SH2D3A: variants seen among roughly 807,000 people sequenced by gnomAD.
SH2D3A encodes SH2 domain-containing protein 3A.
In SH2D3A, 46 loss-of-function variants were observed where a neutral mutation model predicts 50.6. The ratio of observed to expected loss-of-function variants is 0.91; its 90% CI spans 0.72 to 1.16. The LOEUF is 1.16. Ranked by LOEUF, SH2D3A falls within the 50% of genes most tolerant of loss-of-function variation. The pLI is 0.00. For synonymous variants in SH2D3A, 377 were observed against 348.4 expected, an observed-to-expected ratio of 1.08 and a Z score of -0.91; for missense variants, 783 against 786.2, an observed-to-expected ratio of 1.00 and a Z score of 0.05.
At chr19:6,763,279 G>A (rs1915184493) in intron 2 of SH2D3A, among the ~76,000 whole-genome samples, 1 of 152,022 alleles carries the variant, frequency 6.6e-6, no homozygotes, top group African/African-American at 2.4e-5. Context: ...GGCCAGGCTG[G>A]TCTTGAACTC....
chr19:6,753,920 T>G, intron 8 of SH2D3A, 132 bp downstream of exon 8: 2 of 1,150,854 alleles, frequency 1.7e-6, no homozygotes, highest in Non-Finnish European at 2.4e-6. Flanking sequence ...CCAACCCTCA[T>G]GTGGAGGGCG....
chr19:6,753,637 G>C lies in SH2D3A; in HGVS notation c.1389C>G (p.Pro463=), dbSNP rs749743166. 6.4e-7 allele frequency: 1 copy of C among 1,570,088 alleles called. No homozygotes were observed. The highest frequency in any genetic ancestry group is 1.2e-5 in the South Asian group (1 of 84,470). The part of the protein sequence containing the change: ...LMRALDEGAG[P]CDPGEVALPH... ...GCAGCGCCACCTCGCCGGGGTCGCA[G>C]GGTCCTGCGGAGGGGGAGGGTCTGA... is the stretch of plus-strand genomic sequence containing the variant. Residue 463 remains proline, a synonymous_variant, in exon 9 of 10, where the codon CCC becomes CCG. Coordinates refer to ENST00000245908, the MANE Select transcript of SH2D3A (RefSeq NM_005490.3).
chr19:6,754,333 T>C lies in SH2D3A; in HGVS notation c.1190A>G (p.Glu397Gly), dbSNP rs746826598. 1 of 1,574,366 alleles carries C rather than the reference T, an allele frequency of 6.4e-7. No homozygotes were observed. Among genetic ancestry groups the C allele is most frequent in the South Asian group, 1.1e-5 (1 of 88,526 alleles). The change falls in exon 7 of 10, where the codon GAG becomes GGG. Residue 397 changes from glutamate to glycine, a missense_variant. Coordinates refer to ENST00000245908, the MANE Select transcript of SH2D3A (RefSeq NM_005490.3). ...ERAAALRGLV[E>G]LALALRPGAA... ...CCCTGGCCGCAGCGCCAGCGCCAGC[T>C]CTACCAGTCCCCTCAGTGCGGCTGC... is the stretch of plus-strand genomic sequence containing the variant.
At position 6,754,398 on chromosome 19, in the gene SH2D3A, C is replaced by G. The variant is rs1568262442; in HGVS notation, c.1125G>C (p.Ala375=). The change falls in exon 7 of 10, where the codon GCG becomes GCC. Residue 375 remains alanine, a synonymous_variant. Transcript: ENST00000245908. ...GCCCCGAGCAGCCCAGCACCGCCAG[C>G]GCCCCGGCCAGCGCCAGTGTCTGAT... ...ERHQTLALAG[A]LAVLGCSGPL... is the part of the protein sequence containing the mutation. The G allele has an allele frequency of 1.3e-6, 2 of 1,526,578 alleles. No homozygotes were observed. Among genetic ancestry groups the G allele is most frequent in the Admixed American group, 2.1e-5 (1 of 48,322 alleles). The allele number at this position is 1,526,578 out of a possible 1,614,324, so 94.6% of individuals were successfully genotyped here. A position where few individuals can be genotyped will look rare whatever the true frequency, so the allele number is the denominator to read the frequency against.
Position 6,753,562 on chromosome 19 carries a change from C to T in SH2D3A, c.1464G>A (p.Gly488=). ...VRLLEGEEVA[G]PLDESCERLL... is the part of the protein sequence containing the mutation. ...GCCGCTCACAGCTCTCGTCCAGCGGCCCCGCGACTTCCTCGCCCTCCAGTA... is the reference window on the plus strand; with the variant it reads ...GCCGCTCACAGCTCTCGTCCAGCGGTCCCGCGACTTCCTCGCCCTCCAGTA... The change falls in exon 9 of 10, where the codon GGG becomes GGA. Residue 488 remains glycine, a synonymous_variant. Transcript: ENST00000245908. The T allele has an allele frequency of 6.3e-7, 1 of 1,577,280 alleles. No homozygotes were observed. The highest frequency in any genetic ancestry group is 8.6e-7 in the Non-Finnish European group (1 of 1,162,438).
intron 4 of SH2D3A, chr19:6,759,146 T>C (rs1969865285): frequency 6.3e-6 from 1 of 158,806 alleles, no homozygotes; most frequent in African/African-American, 2.4e-5. Flanking sequence ...TGGAGTTTTG[T>C]TCTGTCACCC....
Position 6,764,648 on chromosome 19 carries a change from T to C in SH2D3A, c.-68-832A>G, listed in dbSNP as rs1970207152. Reference sequence around the variant, plus strand: ...CTAGATGATGGCATACATGAGTGAGTGCTAGACAAAAAAACTAAACCATGG... The same window carrying C: ...CTAGATGATGGCATACATGAGTGAGCGCTAGACAAAAAAACTAAACCATGG... On this transcript the variant is annotated intron_variant, in intron 1 of 9. Coordinates refer to ENST00000245908, the MANE Select transcript of SH2D3A (RefSeq NM_005490.3). Among the ~76,000 whole-genome samples the C allele has an allele frequency of 1.3e-5, 2 of 151,678 alleles. 1 individual carries two copies. Among genetic ancestry groups the C allele is most frequent in the South Asian group, 4.2e-4 (2 of 4,810 alleles).
At chr19:6,762,764 C>T (rs1188772323) in intron 2 of SH2D3A, among the ~76,000 whole-genome samples, 1 of 151,494 alleles carries the variant, frequency 6.6e-6, no homozygotes, top group African/African-American at 2.4e-5. Flanking sequence ...AGTGATCCTC[C>T]TGCCTCAGCC....
chr19:6,760,601 T>C (rs371648983), intron 3 of SH2D3A, 37 bp downstream of exon 3: 4 of 1,461,574 alleles, frequency 2.7e-6, no homozygotes, highest in Admixed American at 2.5e-5. Context: ...CCTGCGAGTG[T>C]TGGGTGTTCT....
Position 6,753,650 on chromosome 19 carries a change from G to A in SH2D3A, c.1385-9C>T. ...GCCGGGGTCGCAGGGTCCTGCGGAG[G>A]GGGAGGGTCTGATCAGGGTTTGGGG... is the stretch of plus-strand genomic sequence containing the variant. On this transcript the variant is annotated splice_polypyrimidine_tract_variant and intron_variant, in intron 8 of 9. Transcript: ENST00000245908. 1 of 1,556,642 alleles carries A rather than the reference G, an allele frequency of 6.4e-7. No individual in the cohort carries two copies.
rs995409347 is a variant in SH2D3A at position 6,754,295 on chromosome 19, G to T, written c.1228C>A (p.Leu410Met). Residue 410 changes from leucine to methionine, a missense_variant, in exon 7 of 10, where the codon CTG becomes ATG. Leu to Met is a conservative substitution (Grantham distance 15, BLOSUM62 2). Coordinates refer to ENST00000245908, the MANE Select transcript of SH2D3A (RefSeq NM_005490.3). ...CCCATGACTGCAGCCAGCCCGGGCA[G>T]GTCCCCCGCCGCCCCTGGCCGCAGC... is the stretch of plus-strand genomic sequence containing the variant. ...LALRPGAAGD[L>M]PGLAAVMGAL... 2.5e-6 allele frequency: 4 copies of T among 1,579,938 alleles called. No individual in the cohort carries two copies. Among genetic ancestry groups the T allele is most frequent in the African/African-American group, 2.7e-5 (2 of 74,578 alleles).
chr19:6,762,840 C>T lies in SH2D3A; in HGVS notation c.69+840G>A, dbSNP rs558787761. On this transcript the variant is annotated intron_variant, in intron 2 of 9. Transcript: ENST00000245908. ...GGCCTGCTATCCCTATGTTAAAGATCGGGAGACTGAGGCCCAGAGAGGTCA... is the reference window on the plus strand; with the variant it reads ...GGCCTGCTATCCCTATGTTAAAGATTGGGAGACTGAGGCCCAGAGAGGTCA... Among the ~76,000 whole-genome samples the T allele has an allele frequency of 2.0e-4, 30 of 151,374 alleles. No homozygotes were observed. The East Asian group carries it at 3.7e-3, about 19-fold the overall frequency.
chr19:6,759,728 A>G (rs2144616258), intron 3 of SH2D3A, 58 bp from the exon 4 acceptor site: 5 of 1,537,128 alleles, frequency 3.3e-6, no homozygotes, highest in East Asian at 2.3e-5. Context: ...TCCCCCACCA[A>G]TATCTGCAAA....
intron 8 of SH2D3A, 137 bp from the exon 9 acceptor site, chr19:6,753,778 C>T: frequency 4.0e-6 from 4 of 1,011,756 alleles, no homozygotes; most frequent in Non-Finnish European, 5.6e-6. Flanking sequence ...CAGGACCACA[C>T]GCCCCGTATG....
chr19:6,761,167 G>A (rs879758345), intron 2 of SH2D3A, 180 bp from the exon 3 acceptor site: 11 of 595,492 alleles, frequency 1.8e-5, no homozygotes, highest in South Asian at 6.2e-5. Context: ...TGGCACCTAC[G>A]TAGACTACAT....
At chr19:6,752,900 G>A in intron 9 of SH2D3A, 147 bp from the exon 10 acceptor site, 1 of 1,408,660 alleles carries the variant, frequency 7.1e-7, no homozygotes, top group Non-Finnish European at 9.2e-7. Context: ...GACTAGGCGG[G>A]GTCAGAGGGG....
chr19:6,760,868 G>T lies in SH2D3A; in HGVS notation c.189C>A (p.Phe63Leu). 1 of 1,614,228 alleles carries T rather than the reference G, an allele frequency of 6.2e-7. No homozygotes were observed. The highest frequency in any genetic ancestry group is 8.5e-7 in the Non-Finnish European group (1 of 1,180,042). The change falls in exon 3 of 10, where the codon TTC becomes TTA. Residue 63 changes from phenylalanine (F) to leucine (L), a missense_variant. Phe to Leu is a conservative substitution (Grantham distance 22, BLOSUM62 0). Coordinates refer to ENST00000245908, the MANE Select transcript of SH2D3A (RefSeq NM_005490.3). ...WRGSALHFEV[F>L]RVALRPRPGR... ...CTGGCCGGGGACGCAGGGCCACACG[G>T]AACACCTCAAAATGGAGGGCTGAGC...
In SH2D3A at chr19:6,754,033, GC is replaced by G. The variant is rs1355617063; in HGVS notation, c.1384+18del. 7 of 1,578,532 alleles carry G rather than the reference GC, an allele frequency of 4.4e-6. No homozygotes were observed. The highest frequency in any genetic ancestry group is 6.0e-6 in the Non-Finnish European group (7 of 1,161,514). Reference sequence around the variant, plus strand: ...GGTCTGGGCCCCCAGGGGATGCTAAGCCCCAGACCTTCACTTACCAGCGCCC... The same window carrying G: ...GGTCTGGGCCCCCAGGGGATGCTAAGCCCAGACCTTCACTTACCAGCGCCC... On this transcript the variant is annotated intron_variant, in intron 8 of 9. Transcript: ENST00000245908.
rs1415268769 is a variant in SH2D3A at position 6,759,405 on chromosome 19, G to A, written c.496+189C>T. 17 of 541,836 alleles carry A rather than the reference G, an allele frequency of 3.1e-5. No individual in the cohort carries two copies. The Admixed American group carries it at 4.4e-4, about 14-fold the overall frequency. The allele number at this position is 541,836 out of a possible 1,614,324, so 33.6% of individuals were successfully genotyped here. A position where few individuals can be genotyped will look rare whatever the true frequency, so the allele number is the denominator to read the frequency against. ...TGGGATTACAGGCATGAGCCACCGC[G>A]CTCAGCCTTGTAAACACACATTTTA... On this transcript the variant is annotated intron_variant, in intron 4 of 9. Coordinates refer to ENST00000245908, the MANE Select transcript of SH2D3A (RefSeq NM_005490.3).
Sources: allele counts gnomAD v4.1 joint callset (sites outside exome capture counted in the v4.1 genomes callset), GRCh38; gene constraint gnomAD v4.1.1; transcripts MANE v1.5; gene names NCBI Gene and HGNC (gene_info 2026-07-23, HGNC 2026-07-21).